The following SCAMP4 variants were observed in gnomAD, a reference collection of about 807,000 sequenced individuals.
The protein encoded by SCAMP4 is secretory carrier membrane protein 4.
A neutral mutation model predicts 32.1 loss-of-function variants in SCAMP4; 19 were observed. The observed-to-expected ratio is 0.59, with a 90% CI of 0.41 to 0.87. The LOEUF is 0.87. SCAMP4 is among the 40% of genes least tolerant of loss of function. SCAMP4 has a pLI of 0.00. For missense variants in SCAMP4, 302 were observed against 309.0 expected (o/e 0.98, Z 0.17); for synonymous variants, 152 against 132.7 (o/e 1.15, Z -1.00).
intron 5 of SCAMP4, chr19:1,920,632 CT>C: frequency 1.0e-6 from 1 of 985,520 alleles, no homozygotes. Context: ...CTTTGGGGTG[CT>C]TCCCCCTCCT....
intron 5 of SCAMP4, chr19:1,921,676 CT>C: frequency 1.0e-6 from 1 of 985,362 alleles, no homozygotes; most frequent in Non-Finnish European, 1.2e-6. Context: ...CAGAGGTTTA[CT>C]TTTTTAAAAA....
In SCAMP4 at chr19:1,908,249, C is replaced by G. The variant is rs1003567401; in HGVS notation, c.-42+2810C>G. On this transcript the variant is annotated intron_variant, in intron 1 of 6. Transcript: ENST00000316097. This position sits in a 1 kb window ranked among gnomAD's most constrained non-coding sequence, Gnocchi z 4.2. ...GCACCTGGCGCTGCCTCCGCGCTTC[C>G]TGCTCCCGGCTCCCACTGCATCTCC... 4.9e-5 allele frequency: 14 copies of G among 283,904 alleles called. No individual in the cohort carries two copies. Among genetic ancestry groups the G allele is most frequent in the Non-Finnish European group, 8.4e-5 (12 of 142,978 alleles). The allele number at this position is 283,904 out of a possible 1,614,324, so 17.6% of individuals were successfully genotyped here. A position where few individuals can be genotyped will look rare whatever the true frequency, so the allele number is the denominator to read the frequency against.
chr19:1,919,278 G>A (rs1422418832), intron 5 of SCAMP4: 9 of 1,284,984 alleles, frequency 7.0e-6, no homozygotes, highest in Non-Finnish European at 8.0e-6. Context: ...CTTGTCTCCT[G>A]AGTGTTGATC....
chr19:1,912,283 T>G, intron 1 of SCAMP4: 1 of 1,582,318 alleles, frequency 6.3e-7, no homozygotes, highest in East Asian at 2.3e-5. Flanking sequence ...CTGAAGGAGG[T>G]GTCGGCCCTG....
intron 1 of SCAMP4, chr19:1,913,568 G>A (rs1373778351): frequency 4.9e-6 from 1 of 202,498 alleles, no homozygotes; most frequent in East Asian, 1.5e-4. Flanking sequence ...TCAGAGACCT[G>A]GGCTGATTCT....
In SCAMP4 at chr19:1,908,565, G is replaced by T. The variant is rs1387543051; in HGVS notation, c.-42+3126G>T. On this transcript the variant is annotated intron_variant, in intron 1 of 6. Coordinates refer to ENST00000316097, the MANE Select transcript of SCAMP4 (RefSeq NM_079834.4). The surrounding 1 kb of genome is among the most constrained non-coding windows in gnomAD (Gnocchi z 4.2). ...GATCACCCGGCTGGAGTCATTTTAA[G>T]ATCATCTGCGGCTTAGCCCCAGCAC... 6.4e-6 allele frequency: 3 copies of T among 471,084 alleles called. No homozygotes were observed. Among genetic ancestry groups the T allele is most frequent in the Non-Finnish European group, 1.3e-5 (3 of 227,058 alleles). The allele number at this position is 471,084 out of a possible 1,614,324, so 29.2% of individuals were successfully genotyped here. A position where few individuals can be genotyped will look rare whatever the true frequency, so the allele number is the denominator to read the frequency against.
intron 3 of SCAMP4, 81 bp from the exon 4 acceptor site, chr19:1,918,046 G>A: frequency 6.6e-7 from 1 of 1,519,168 alleles, no homozygotes; most frequent in East Asian, 2.3e-5. Context: ...GCGGACAGCG[G>A]GTGCCCCATT....
intron 2 of SCAMP4, among the ~76,000 whole-genome samples, chr19:1,916,799 C>A (rs747542837): frequency 6.6e-6 from 1 of 152,204 alleles, no homozygotes; most frequent in Non-Finnish European, 1.5e-5. Flanking sequence ...GGTGGTTTCT[C>A]ACAGCAGCCA....
At chr19:1,918,625 G>A in intron 4 of SCAMP4, 1 of 536,028 alleles carries the variant, frequency 1.9e-6, no homozygotes, top group Non-Finnish European at 3.2e-6. Context: ...AGCCAGGCGT[G>A]GTTGCGGGCG....
At chr19:1,923,764 G>GC (rs1287658974) in intron 6 of SCAMP4, among the ~76,000 whole-genome samples, 3 of 147,260 alleles carry the variant, frequency 2.0e-5, no homozygotes, top group Non-Finnish European at 3.0e-5. Flanking sequence ...GACTACAGGC[G>GC]CCCGCTACCG....
rs935374418 is a variant in SCAMP4, at chr19:1,924,373, G to T, written c.*89G>T. 1 of 1,306,642 alleles carries T rather than the reference G, an allele frequency of 7.7e-7. No homozygotes were observed. The highest frequency in any genetic ancestry group is 1.0e-6 in the Non-Finnish European group (1 of 960,632). 80.9% of individuals were successfully genotyped at this position (1,306,642 alleles called of 1,614,324 possible). On this transcript the variant is annotated 3_prime_UTR_variant, in exon 7 of 7. Transcript: ENST00000316097. ...GTCCCGAGGGCTGGGAGTACCTGGG[G>T]CCCCATCCCCCCAGCTGGGATGGTG...
intron 5 of SCAMP4, chr19:1,922,614 C>T (rs2013955511): frequency 2.1e-5 from 21 of 985,606 alleles, no homozygotes; most frequent in South Asian, 4.7e-5. Context: ...CCCGGACATG[C>T]GGATGTAGGT....
At chr19:1,909,799 C>T (rs968655748) in intron 1 of SCAMP4, among the ~76,000 whole-genome samples, 9 of 152,214 alleles carry the variant, frequency 5.9e-5, no homozygotes, top group Non-Finnish European at 1.2e-4. Context: ...CCAGTGGCTG[C>T]CTGCTCCACC....
chr19:1,912,751 AC>A, intron 1 of SCAMP4: 1 of 1,549,646 alleles, frequency 6.5e-7, no homozygotes. Flanking sequence ...TGCGCGGACA[AC>A]CCCCTCCTGC....
chr19:1,912,219 C>T, intron 1 of SCAMP4: 2 of 1,594,214 alleles, frequency 1.3e-6, no homozygotes, highest in Non-Finnish European at 1.7e-6. Flanking sequence ...GGACGTGGAG[C>T]TGGTGCTGGC....
Position 1,917,784 on chromosome 19 carries a change from A to G in SCAMP4, c.98A>G (p.His33Arg). The change falls in exon 3 of 7, where the codon CAC (histidine) becomes CGC (arginine). Residue 33 changes from histidine to arginine, a missense_variant. Physicochemically the swap from His to Arg is conservative, Grantham distance 29. Transcript: ENST00000316097. ...QNFSDEIPVEHQVLVKRIYRL... is the reference protein window; with the variant it reads ...QNFSDEIPVERQVLVKRIYRL... ...TTCTCCGACGAGATCCCAGTGGAGC[A>G]CCAGGTCCTGGTGAAGAGGATCTAC... The G allele has an allele frequency of 3.1e-6, 5 of 1,614,046 alleles. No homozygotes were observed. The highest frequency in any genetic ancestry group is 4.2e-6 in the Non-Finnish European group (5 of 1,179,904).
At chr19:1,913,040 C>T (rs375967165) in intron 1 of SCAMP4, 6 of 1,603,682 alleles carry the variant, frequency 3.7e-6, no homozygotes, top group Non-Finnish European at 3.4e-6. Context: ...CGCCCGACGG[C>T]GCCCTGGGCA....
At chr19:1,920,332 C>G (rs565128730) in intron 5 of SCAMP4, 2 of 977,058 alleles carry the variant, frequency 2.0e-6, no homozygotes, top group South Asian at 4.7e-5. Context: ...CACAAGACTG[C>G]GGTACTCTCA....
At chr19:1,922,081 C>G in intron 5 of SCAMP4, 2 of 985,408 alleles carry the variant, frequency 2.0e-6, no homozygotes, top group Non-Finnish European at 2.4e-6. Flanking sequence ...CTTTAAGTTC[C>G]CTGAATTTTA....
Sources: allele counts gnomAD v4.1 joint callset (sites outside exome capture counted in the v4.1 genomes callset), GRCh38; gene constraint gnomAD v4.1.1; non-coding constraint Gnocchi (gnomAD v3.1); transcripts MANE v1.5; gene names NCBI Gene and HGNC (gene_info 2026-07-23, HGNC 2026-07-21).